Variants in LYRM9 observed in about 807,000 individuals in gnomAD.
LYRM9 encodes LYR motif containing 9.
LYRM9 carries 14 observed loss-of-function variants against 12.6 expected under a neutral mutation model. The observed-to-expected ratio is 1.11, with a 90% CI of 0.73 to 1.73. The LOEUF (loss-of-function observed/expected upper bound fraction) is 1.73, where lower values mean the gene tolerates loss of function less well. LYRM9 is among the 40% of genes most tolerant of loss of function. LYRM9 has a pLI of 0.00. For missense variants in LYRM9, 94 were observed against 95.0 expected, an observed-to-expected ratio of 0.99 and a Z score of 0.04; for synonymous variants, 42 against 35.1, an observed-to-expected ratio of 1.20 and a Z score of -0.69.
intron 2 of LYRM9, 138 bp downstream of exon 2, chr17:27,882,431 G>A (rs534513725): frequency 1.6e-6 from 2 of 1,233,784 alleles, no homozygotes; most frequent in South Asian, 1.7e-5. Flanking sequence ...CCCAGCACTG[G>A]TTTCCTGTGG....
rs77690420 is a variant in LYRM9, at chr17:27,885,267, G to A, written c.-18-2555C>T. ...ATCGCAACACCTCTGCAGAAGTGGC[G>A]TGAAAGGACTCTAGCTCCTTCCCAC... On this transcript the variant is annotated intron_variant, in intron 1 of 3. Coordinates refer to ENST00000379102, the MANE Select transcript of LYRM9 (RefSeq NM_001076680.3). 7.4e-3 allele frequency among the ~76,000 whole-genome samples: 1,133 copies of A among 152,300 alleles called. 53 individuals are homozygous for A. The East Asian group carries it at 0.12, about 16-fold the overall frequency.
At chr17:27,892,376 T>C (rs1169832001) in intron 1 of LYRM9, 15 of 454,776 alleles carry the variant, frequency 3.3e-5, no homozygotes, top group South Asian at 2.2e-4. Flanking sequence ...CGGTTATTAG[T>C]CACTCCTCCA....
intron 1 of LYRM9, among the ~76,000 whole-genome samples, chr17:27,884,387 T>G (rs1286360422): frequency 6.6e-6 from 1 of 152,240 alleles, no homozygotes; most frequent in African/African-American, 2.4e-5. Flanking sequence ...ATCAGTGTCC[T>G]GGGTGCATCC....
intron 1 of LYRM9, among the ~76,000 whole-genome samples, chr17:27,890,262 G>A (rs1057168240): frequency 6.6e-6 from 1 of 152,088 alleles, no homozygotes; most frequent in Admixed American, 6.6e-5. Flanking sequence ...GCATGACCAG[G>A]TTCAAGCACT....
At chr17:27,890,742 T>C (rs1321615670) in intron 1 of LYRM9, among the ~76,000 whole-genome samples, 2 of 152,212 alleles carry the variant, frequency 1.3e-5, no homozygotes, top group African/African-American at 4.8e-5. Context: ...TTATGCCCTA[T>C]TGAGCACTGA....
In LYRM9 at chr17:27,882,705, C is replaced by T. The variant is rs1465904000; in HGVS notation, c.-11G>A. 1 of 1,592,000 alleles carries T rather than the reference C, an allele frequency of 6.3e-7. No individual in the cohort carries two copies. Among genetic ancestry groups the T allele is most frequent in the East Asian group, 2.3e-5 (1 of 44,112 alleles). On this transcript the variant is annotated 5_prime_UTR_variant, in exon 2 of 4. Coordinates refer to ENST00000379102, the MANE Select transcript of LYRM9 (RefSeq NM_001076680.3). ...TGGCAGCGGGGCCATCCGTGAGACCCTCTGTCCCTGGAAAACAAGCAGGAT... is the reference window on the plus strand; with the variant it reads ...TGGCAGCGGGGCCATCCGTGAGACCTTCTGTCCCTGGAAAACAAGCAGGAT...
chr17:27,882,232 T>A (rs1905084812), intron 2 of LYRM9, among the ~76,000 whole-genome samples: 2 of 152,210 alleles, frequency 1.3e-5, no homozygotes, highest in Non-Finnish European at 2.9e-5. Flanking sequence ...GCCTCTCGAT[T>A]TGGTTTTACC....
rs1430680275 is a variant in LYRM9 at position 27,879,035 on chromosome 17, T to G, written c.*438A>C. The G allele has an allele frequency of 1.2e-5, 2 of 164,486 alleles. 1 individual carries two copies. Among genetic ancestry groups the G allele is most frequent in the East Asian group, 3.7e-4 (2 of 5,364 alleles). The allele number at this position is 164,486 out of a possible 1,614,324, so 10.2% of individuals were successfully genotyped here. ...ACATCCTGTGTGAGGCACTTCACCT[T>G]CATCTTATTGCATCTGGGATTCAAA... On this transcript the variant is annotated 3_prime_UTR_variant, in exon 4 of 4. Transcript: ENST00000379102.
chr17:27,884,175 C>A (rs1452240317), intron 1 of LYRM9, among the ~76,000 whole-genome samples: 1 of 152,124 alleles, frequency 6.6e-6, no homozygotes, highest in African/African-American at 2.4e-5. Flanking sequence ...CTCTAAAGAA[C>A]CCACAACTCT....
chr17:27,887,539 C>T (rs1567665101), intron 1 of LYRM9, among the ~76,000 whole-genome samples: 1 of 152,186 alleles, frequency 6.6e-6, no homozygotes, highest in Non-Finnish European at 1.5e-5. Context: ...CTCATCTGCA[C>T]CTCTCACCAC....
intron 3 of LYRM9, 196 bp downstream of exon 3, chr17:27,880,078 C>A (rs1270389118): frequency 5.7e-6 from 4 of 702,680 alleles, no homozygotes; most frequent in South Asian, 1.5e-5. Flanking sequence ...AGCCCCTCCC[C>A]ACTTGCAGAA....
intron 3 of LYRM9, chr17:27,879,907 C>A: frequency 3.4e-6 from 2 of 592,488 alleles, no homozygotes. Context: ...GAATACCCCC[C>A]AGAGACAGGG....
At chr17:27,884,331 C>A (rs1567664065) in intron 1 of LYRM9, among the ~76,000 whole-genome samples, 1 of 152,202 alleles carries the variant, frequency 6.6e-6, no homozygotes, top group Non-Finnish European at 1.5e-5. Context: ...CAGTACCTAG[C>A]CTGTCACTCC....
Position 27,880,367 on chromosome 17 carries a change from CTGCAAGTTTAAGCATAAAGAAAGA to C in LYRM9, c.127-25_127-2del. On this transcript the variant is annotated splice_acceptor_variant and splice_polypyrimidine_tract_variant and intron_variant, in intron 2 of 3. Coordinates refer to ENST00000379102, the MANE Select transcript of LYRM9 (RefSeq NM_001076680.3). LOFTEE classifies it high-confidence loss of function. ...CTTCATCTGAATGAACCCGAAAACT[CTGCAAGTTTAAGCATAAAGAAAGA>C]TGACTAGGCAAAATTCCCAGGACAG... 1 of 1,598,982 alleles carries C rather than the reference CTGCAAGTTTAAGCATAAAGAAAGA, an allele frequency of 6.3e-7. No individual in the cohort carries two copies. The highest frequency in any genetic ancestry group is 8.5e-7 in the Non-Finnish European group (1 of 1,172,102).
rs1381268800 is a variant in LYRM9, at chr17:27,880,349, T to C, written c.144A>G (p.Ser48=). 2.5e-6 allele frequency: 4 copies of C among 1,606,462 alleles called. 1 individual carries two copies. In the Admixed American group the frequency reaches 6.8e-5, roughly 27 times the overall value. ...HAVRQSFRVH[S]DEDNPERIQQ... ...GGATTCTCTCAGGGTTGTCTTCATC[T>C]GAATGAACCCGAAAACTCTGCAAGT... Residue 48 remains serine (S), a synonymous_variant, in exon 3 of 4, where the codon TCA becomes TCG. Transcript: ENST00000379102.
chr17:27,883,835 T>TAAAAA (rs781375467), intron 1 of LYRM9, among the ~76,000 whole-genome samples: 600 of 24,630 alleles, frequency 0.024, 158 homozygotes, highest in Non-Finnish European at 0.031. Flanking sequence ...AGCCTTTTTC[T>TAAAAA]AAAAAAAAAA....
intron 1 of LYRM9, among the ~76,000 whole-genome samples, chr17:27,891,169 T>G (rs751038606): frequency 6.6e-6 from 1 of 152,162 alleles, no homozygotes; most frequent in Non-Finnish European, 1.5e-5. Flanking sequence ...TAGAGAGTTC[T>G]CTACCCATGG....
chr17:27,882,802 C>T (rs1734188072), intron 1 of LYRM9, 90 bp from the exon 2 acceptor site: 1 of 1,401,190 alleles, frequency 7.1e-7, no homozygotes, highest in African/African-American at 1.4e-5. Flanking sequence ...GGGAAGCAAG[C>T]TTGGTGCAGT....
intron 1 of LYRM9, among the ~76,000 whole-genome samples, chr17:27,884,646 C>T (rs1172477149): frequency 6.6e-6 from 1 of 152,210 alleles, no homozygotes; most frequent in Non-Finnish European, 1.5e-5. Flanking sequence ...CTGCCAGGGA[C>T]TCATCTGCTA....
Sources: allele counts gnomAD v4.1 joint callset (sites outside exome capture counted in the v4.1 genomes callset), GRCh38; gene constraint gnomAD v4.1.1; transcripts MANE v1.5; gene names NCBI Gene and HGNC (gene_info 2026-07-23, HGNC 2026-07-21).